ADAMTS17: variants seen among roughly 807,000 people sequenced by gnomAD.
ADAMTS17 encodes ADAM metallopeptidase with thrombospondin type 1 motif 17, also known as A disintegrin and metalloproteinase with thrombospondin motifs 17.
A neutral mutation model predicts 141.5 loss-of-function variants in ADAMTS17; 113 were observed. That is an observed-to-expected ratio of 0.80 (90% CI 0.69 to 0.93). The LOEUF (loss-of-function observed/expected upper bound fraction) is 0.93. Ranked by LOEUF, ADAMTS17 falls within the 40% of genes least tolerant of loss-of-function variation. The pLI is 0.00. For synonymous variants in ADAMTS17, 768 were observed against 630.6 expected (o/e 1.22, Z -3.27); for missense variants, 1,659 against 1,517.9 (o/e 1.09, Z -1.54).
In ADAMTS17 at chr15:100,294,671, C is replaced by T. The variant is rs149610974; in HGVS notation, c.617-13270G>A. On this transcript the variant is annotated intron_variant, in intron 3 of 21. Coordinates refer to ENST00000268070, the MANE Select transcript of ADAMTS17 (RefSeq NM_139057.4). ...GCATTGAGCCATGACCGTGCCACTG[C>T]ACTCCAGCATGGGCGACAGAGCAAG... Among the ~76,000 whole-genome samples, 28 of 152,294 alleles carry T rather than the reference C, an allele frequency of 1.8e-4. 1 individual carries two copies. The East Asian group carries it at 4.8e-3, about 26-fold the overall frequency.
chr15:100,198,842 G>A (rs1324667328), intron 8 of ADAMTS17, among the ~76,000 whole-genome samples: 1 of 152,148 alleles, frequency 6.6e-6, no homozygotes, highest in African/African-American at 2.4e-5. Flanking sequence ...GAGAAGAATC[G>A]CTGTGTGCAA....
chr15:100,026,238 T>A (rs2061513362), intron 18 of ADAMTS17, among the ~76,000 whole-genome samples: 1 of 152,248 alleles, frequency 6.6e-6, no homozygotes, highest in Non-Finnish European at 1.5e-5. Context: ...TTTATTTTCA[T>A]CATTGTGTCG....
intron 3 of ADAMTS17, among the ~76,000 whole-genome samples, chr15:100,281,725 G>C (rs1381801378): frequency 6.6e-6 from 1 of 152,162 alleles, no homozygotes; most frequent in Non-Finnish European, 1.5e-5. Context: ...GAGCTGCCAA[G>C]TACGCACAGA....
intron 11 of ADAMTS17, 147 bp downstream of exon 11, chr15:100,133,067 C>T (rs1053518992): frequency 1.9e-5 from 13 of 667,114 alleles, no homozygotes; most frequent in African/African-American, 3.6e-5. Context: ...ACTCTGTGCC[C>T]GGAGTGGCCT....
rs778303777 is a variant in ADAMTS17, at chr15:99,997,464, G to C, written c.2717C>G (p.Pro906Arg). ...CTGCACTGCCGCCGGCCGGGGGCCC[G>C]GGCAGTAGAGGGGCCGCGTAGCGAC... Reference protein sequence around the residue: ...THVATRPLYCPGPRPAAVQSC... With the variant: ...THVATRPLYCRGPRPAAVQSC... Residue 906 changes from proline to arginine, a missense_variant, in exon 19 of 22, where the codon CCG (proline) becomes CGG (arginine). Physicochemically the swap from Pro to Arg is moderately radical, Grantham distance 103. Coordinates refer to ENST00000268070, the MANE Select transcript of ADAMTS17 (RefSeq NM_139057.4). This position sits in a 1 kb window ranked among gnomAD's most constrained non-coding sequence, Gnocchi z 4.7. 3.7e-6 allele frequency: 6 copies of C among 1,613,402 alleles called. No homozygotes were observed. In the African/African-American group the frequency reaches 4.0e-5, roughly 11 times the overall value.
chr15:100,101,856 G>A (rs146986885), intron 14 of ADAMTS17, among the ~76,000 whole-genome samples: 8 of 152,218 alleles, frequency 5.3e-5, no homozygotes, highest in South Asian at 2.1e-4. Context: ...CCATCTCTTC[G>A]GTTGGAGGGA....
chr15:100,105,697 AT>A (rs1195762700), intron 14 of ADAMTS17, among the ~76,000 whole-genome samples: 1 of 151,430 alleles, frequency 6.6e-6, no homozygotes, highest in East Asian at 1.9e-4. Flanking sequence ...TCTTATTTTT[AT>A]TTTTTTTGAG....
chr15:100,212,193 G>C (rs184838394), intron 7 of ADAMTS17, among the ~76,000 whole-genome samples: 9 of 152,294 alleles, frequency 5.9e-5, no homozygotes, highest in African/African-American at 2.2e-4. Flanking sequence ...AAATCCCCCA[G>C]GCTCATGCTG....
chr15:100,019,424 T>A (rs765985172), intron 18 of ADAMTS17, among the ~76,000 whole-genome samples: 13 of 152,158 alleles, frequency 8.5e-5, no homozygotes, highest in South Asian at 2.1e-4. Context: ...AGTGGAGACG[T>A]GTTTATTAGT....
Position 99,974,204 on chromosome 15 carries a change from G to C in ADAMTS17, c.*198C>G. ...GACTCATGCCTACTTTCTCCTCACT[G>C]TAGAAAGCCAGCCAGTGGCTGTTAA... On this transcript the variant is annotated 3_prime_UTR_variant, in exon 22 of 22. Transcript: ENST00000268070. 2 of 663,824 alleles carry C rather than the reference G, an allele frequency of 3.0e-6. 1 individual carries two copies. The highest frequency in any genetic ancestry group is 5.2e-6 in the Non-Finnish European group (2 of 387,170). 41.1% of individuals were successfully genotyped at this position (663,824 alleles called of 1,614,324 possible).
chr15:100,050,972 C>G (rs2141586558), intron 17 of ADAMTS17, among the ~76,000 whole-genome samples: 1 of 152,330 alleles, frequency 6.6e-6, no homozygotes, highest in East Asian at 1.9e-4. Context: ...TGCTGTACGA[C>G]AGGCTCTTTG....
intron 15 of ADAMTS17, among the ~76,000 whole-genome samples, chr15:100,057,336 A>G (rs1041304089): frequency 4.6e-5 from 7 of 152,108 alleles, no homozygotes; most frequent in African/African-American, 1.7e-4. Context: ...GAGATGAGCA[A>G]ATGATTTCTT....
intron 20 of ADAMTS17, among the ~76,000 whole-genome samples, chr15:99,984,559 G>C (rs952929777): frequency 6.6e-6 from 1 of 152,188 alleles, no homozygotes. Flanking sequence ...ATGATCAAAA[G>C]CCCCTACTGG....
intron 13 of ADAMTS17, among the ~76,000 whole-genome samples, chr15:100,111,399 A>C (rs758860562): frequency 9.2e-5 from 14 of 152,180 alleles, no homozygotes; most frequent in Non-Finnish European, 2.1e-4. Flanking sequence ...GGACCTCAGG[A>C]GGTGGCTGGT....
intron 21 of ADAMTS17, among the ~76,000 whole-genome samples, chr15:99,974,862 G>T (rs1182621417): frequency 6.6e-6 from 1 of 152,212 alleles, no homozygotes; most frequent in African/African-American, 2.4e-5. Context: ...TTACTATTTT[G>T]TGGCCAAGGG....
chr15:100,041,321 A>T (rs1242789986), intron 18 of ADAMTS17, among the ~76,000 whole-genome samples: 1 of 152,268 alleles, frequency 6.6e-6, no homozygotes, highest in Non-Finnish European at 1.5e-5. Flanking sequence ...TCAAATCATA[A>T]ATACCATAGG....
At chr15:100,326,078 G>T (rs1195291704) in intron 3 of ADAMTS17, among the ~76,000 whole-genome samples, 2 of 152,154 alleles carry the variant, frequency 1.3e-5, no homozygotes, top group African/African-American at 4.8e-5. Flanking sequence ...GACATCAAGG[G>T]ACTCTTTTTC....
rs573686143 is a variant in ADAMTS17 at position 100,202,531 on chromosome 15, A to G, written c.1076-3108T>C. 2.0e-5 allele frequency among the ~76,000 whole-genome samples: 3 copies of G among 152,374 alleles called. No individual in the cohort carries two copies. In the South Asian group the frequency reaches 6.2e-4, roughly 32 times the overall value. ...TGGAAATGCTTAGAATGCACAAAAC[A>G]AAGTCTGGAGAAAATCCCAGGTTGT... On this transcript the variant is annotated intron_variant, in intron 7 of 21. Transcript: ENST00000268070.
chr15:100,134,007 C>A (rs1198133958), intron 10 of ADAMTS17, among the ~76,000 whole-genome samples: 1 of 152,244 alleles, frequency 6.6e-6, no homozygotes, highest in East Asian at 1.9e-4. Flanking sequence ...AGACTCCCAA[C>A]TGTATCATTA....
Sources: allele counts gnomAD v4.1 joint callset (sites outside exome capture counted in the v4.1 genomes callset), GRCh38; gene constraint gnomAD v4.1.1; non-coding constraint Gnocchi (gnomAD v3.1); transcripts MANE v1.5; gene names NCBI Gene and HGNC (gene_info 2026-07-23, HGNC 2026-07-21).